The following RUSC2 variants were observed in gnomAD, a reference collection of about 807,000 sequenced individuals.
RUSC2 encodes RUN and SH3 domain containing 2.
In RUSC2, 34 loss-of-function variants were observed where a neutral mutation model predicts 122.2. The observed-to-expected ratio is 0.28, with a 90% CI of 0.21 to 0.37. The LOEUF is 0.37. Ranked by LOEUF, RUSC2 falls within the 10% of genes least tolerant of loss-of-function variation. The pLI is 1.00. For synonymous variants in RUSC2, 784 were observed against 790.0 expected (o/e 0.99, Z 0.13); for missense variants, 1,747 against 1,952.4 (o/e 0.89, Z 1.98).
intron 1 of RUSC2, among the ~76,000 whole-genome samples, chr9:35,526,187 GT>G (rs1821322604): frequency 6.6e-6 from 1 of 152,098 alleles, no homozygotes; most frequent in African/African-American, 2.4e-5. Flanking sequence ...AGTAACCAAT[GT>G]TTATATTCAT....
chr9:35,529,721 C>T (rs1821384655), intron 1 of RUSC2, among the ~76,000 whole-genome samples: 1 of 151,760 alleles, frequency 6.6e-6, no homozygotes, highest in African/African-American at 2.4e-5. Context: ...GAAGACATAT[C>T]TGCTCAGTCA....
At chr9:35,514,478 T>C (rs555975915) in intron 1 of RUSC2, among the ~76,000 whole-genome samples, 1 of 152,172 alleles carries the variant, frequency 6.6e-6, no homozygotes, top group Non-Finnish European at 1.5e-5. Flanking sequence ...ATGAAAGTGA[T>C]ATAAATAGAC....
At chr9:35,536,780 C>G (rs1418544676) in intron 1 of RUSC2, among the ~76,000 whole-genome samples, 5 of 145,020 alleles carry the variant, frequency 3.4e-5, no homozygotes, top group Non-Finnish European at 6.0e-5. Flanking sequence ...CGCCACTGCA[C>G]TCCAGCCTGG....
chr9:35,514,823 C>CTA (rs1821073471), intron 1 of RUSC2, among the ~76,000 whole-genome samples: 2 of 152,128 alleles, frequency 1.3e-5, no homozygotes, highest in African/African-American at 4.8e-5. Context: ...AGATGACCTA[C>CTA]TATAGTTCTA....
rs1475524967 is a variant in RUSC2, at chr9:35,527,103, T to A, written c.-92-19327T>A. Among the ~76,000 whole-genome samples the A allele has an allele frequency of 2.6e-5, 4 of 151,828 alleles. No homozygotes were observed. In the East Asian group the frequency reaches 5.8e-4, roughly 22 times the overall value. ...CAGTTCACTAATTTCTCACTTCAAC[T>A]TTGTCTTTTCTGCTGTTAAATTTGT... is the stretch of plus-strand genomic sequence containing the variant. On this transcript the variant is annotated intron_variant, in intron 1 of 11. Transcript: ENST00000361226.
chr9:35,490,652 C>G (rs1282359312), intron 1 of RUSC2, among the ~76,000 whole-genome samples: 4 of 152,154 alleles, frequency 2.6e-5, no homozygotes, highest in Non-Finnish European at 5.9e-5. Flanking sequence ...GTCCTCTGCT[C>G]CCTCCACCCT....
rs950762532 is a variant in RUSC2, at chr9:35,561,660, C to G, written c.*278C>G. On this transcript the variant is annotated 3_prime_UTR_variant, in exon 12 of 12. Coordinates refer to ENST00000361226, the MANE Select transcript of RUSC2 (RefSeq NM_014806.5). ...GGGCCAACCCTTCCATGGGTGAAGA[C>G]AAGCAAGTCCCCCTGGAGGCGGGTG... 3.7e-6 allele frequency: 2 copies of G among 543,160 alleles called. No individual in the cohort carries two copies. Among genetic ancestry groups the G allele is most frequent in the Non-Finnish European group, 6.5e-6 (2 of 309,094 alleles). 33.6% of individuals were successfully genotyped at this position (543,160 alleles called of 1,614,324 possible). A position where few individuals can be genotyped will look rare whatever the true frequency, so the allele number is the denominator to read the frequency against.
chr9:35,535,907 T>A (rs1821518456), intron 1 of RUSC2, among the ~76,000 whole-genome samples: 1 of 152,162 alleles, frequency 6.6e-6, no homozygotes, highest in Non-Finnish European at 1.5e-5. Context: ...ACACCTTCTA[T>A]ATGCCAAGCA....
chr9:35,559,268 C>G lies in RUSC2; in HGVS notation c.3384C>G (p.His1128Gln). The stretch of plus-strand genomic sequence containing the variant: ...TCTGGTTTAATCACCTCTATAACCA[C>G]GAAGGTAATGCCTAGAACCCTGCAG... ...LEFWFNHLYNHEDIIQTHYQP... is the reference protein window; with the variant it reads ...LEFWFNHLYNQEDIIQTHYQP... The change falls in exon 9 of 12, where the codon CAC becomes CAG. Residue 1128 changes from histidine (H) to glutamine (Q), a missense_variant. Transcript: ENST00000361226. 6.2e-7 allele frequency: 1 copy of G among 1,612,726 alleles called. No individual in the cohort carries two copies. The highest frequency in any genetic ancestry group is 8.5e-7 in the Non-Finnish European group (1 of 1,178,726).
chr9:35,537,772 A>G (rs1186643422), intron 1 of RUSC2, among the ~76,000 whole-genome samples: 3 of 152,228 alleles, frequency 2.0e-5, no homozygotes, highest in Non-Finnish European at 1.5e-5. Flanking sequence ...GAGTCCAGAT[A>G]GTAGTCACCT....
At chr9:35,508,179 G>A (rs932365097) in intron 1 of RUSC2, among the ~76,000 whole-genome samples, 1 of 152,100 alleles carries the variant, frequency 6.6e-6, no homozygotes, top group Non-Finnish European at 1.5e-5. Context: ...CTGCAAACGT[G>A]TCTACAGCCA....
intron 1 of RUSC2, among the ~76,000 whole-genome samples, chr9:35,514,833 A>G (rs1422949134): frequency 6.6e-6 from 1 of 152,158 alleles, no homozygotes; most frequent in Non-Finnish European, 1.5e-5. Context: ...CTATAGTTCT[A>G]GTCATCACAG....
At chr9:35,542,262 A>G (rs1249952182) in intron 1 of RUSC2, among the ~76,000 whole-genome samples, 3 of 152,206 alleles carry the variant, frequency 2.0e-5, no homozygotes, top group Non-Finnish European at 4.4e-5. Flanking sequence ...AAAGAGCTTG[A>G]CAGTTAAAGT....
chr9:35,495,844 G>A (rs1446873456), intron 1 of RUSC2, among the ~76,000 whole-genome samples: 1 of 152,064 alleles, frequency 6.6e-6, no homozygotes, highest in Non-Finnish European at 1.5e-5. Context: ...ATTTCTTCCA[G>A]CAATGTTTTG....
chr9:35,547,345 A>G lies in RUSC2; in HGVS notation c.824A>G (p.Asn275Ser), dbSNP rs1350227958. The G allele has an allele frequency of 3.1e-5, 50 of 1,614,040 alleles. No homozygotes were observed. Among genetic ancestry groups the G allele is most frequent in the Non-Finnish European group, 4.2e-5 (50 of 1,180,030 alleles). ...SMGYVSDSSCNSSDGVLVTFS... is the reference protein window; with the variant it reads ...SMGYVSDSSCSSSDGVLVTFS... ...GGCTATGTGAGCGACTCCTCCTGCA[A>G]CAGTTCAGATGGTGTGCTGGTCACC... Residue 275 changes from asparagine to serine, a missense_variant, in exon 2 of 12, where the codon AAC (asparagine) becomes AGC (serine). By Grantham distance (46) the Asn-to-Ser change is conservative (BLOSUM62 1). Coordinates refer to ENST00000361226, the MANE Select transcript of RUSC2 (RefSeq NM_014806.5). This position sits in a 1 kb window ranked among gnomAD's most constrained non-coding sequence, Gnocchi z 4.6.
At chr9:35,549,794 G>A (rs571666581) in intron 2 of RUSC2, among the ~76,000 whole-genome samples, 1 of 152,340 alleles carries the variant, frequency 6.6e-6, no homozygotes, top group South Asian at 2.1e-4. Flanking sequence ...AAAAATTTTA[G>A]AGAAATGGCT....
rs1587863446 is a variant in RUSC2 at position 35,548,621 on chromosome 9, A to C, written c.2014+86A>C. On this transcript the variant is annotated intron_variant, in intron 2 of 11. Coordinates refer to ENST00000361226, the MANE Select transcript of RUSC2 (RefSeq NM_014806.5). This position sits in a 1 kb window ranked among gnomAD's most constrained non-coding sequence, Gnocchi z 4.5. ...CTCCCTGACAGGTCCCTGCCAGACC[A>C]CCCCATCCATACCACTAGAGGTTCC... is the stretch of plus-strand genomic sequence containing the variant. 5 of 1,457,992 alleles carry C rather than the reference A, an allele frequency of 3.4e-6. No homozygotes were observed. The allele number at this position is 1,457,992 out of a possible 1,614,324, so 90.3% of individuals were successfully genotyped here. A position where few individuals can be genotyped will look rare whatever the true frequency, so the allele number is the denominator to read the frequency against.
intron 1 of RUSC2, among the ~76,000 whole-genome samples, chr9:35,491,199 T>A (rs947561795): frequency 6.6e-6 from 1 of 151,716 alleles, no homozygotes; most frequent in Non-Finnish European, 1.5e-5. Flanking sequence ...TTCCTGGGGG[T>A]TTGGGTTCCA....
intron 1 of RUSC2, among the ~76,000 whole-genome samples, chr9:35,498,861 AAAAG>A (rs1820769894): frequency 6.7e-6 from 1 of 149,180 alleles, no homozygotes; most frequent in African/African-American, 2.6e-5. Context: ...AAAAAACAAA[AAAAG>A]AAAAAAGAAA....
Sources: gnomAD v4.1 joint callset for allele counts (sites outside exome capture counted in the v4.1 genomes callset) on GRCh38, gnomAD v4.1.1 for gene constraint, Gnocchi (gnomAD v3.1) non-coding constraint, MANE v1.5 for transcripts, NCBI Gene and HGNC (gene_info 2026-07-23, HGNC 2026-07-21) for gene names.